C1QTNF3: variants seen among roughly 807,000 people sequenced by gnomAD.
The protein encoded by C1QTNF3 is C1q and TNF related 3, also known as complement C1q tumor necrosis factor-related protein 3.
In C1QTNF3, 26 loss-of-function variants were observed where a neutral mutation model predicts 32.6. The observed-to-expected ratio is 0.80, with a 90% CI of 0.58 to 1.11. C1QTNF3 has a LOEUF of 1.11. Ranked by LOEUF, C1QTNF3 falls within the 50% of genes least tolerant of loss-of-function variation. The pLI is 0.00. For synonymous variants in C1QTNF3, 155 were observed against 146.0 expected (o/e 1.06, Z -0.44); for missense variants, 362 against 398.2 (o/e 0.91, Z 0.77).
intron 3 of C1QTNF3, among the ~76,000 whole-genome samples, chr5:34,032,817 C>T (rs545707451): frequency 2.6e-5 from 4 of 151,936 alleles, no homozygotes; most frequent in Non-Finnish European, 5.9e-5. Context: ...AAAAATTATA[C>T]CACAAAATCT....
the C1QTNF3 span, among the ~76,000 whole-genome samples, chr5:34,196,050 A>G: frequency 6.6e-6 from 1 of 152,280 alleles, no homozygotes; most frequent in Non-Finnish European, 1.5e-5. Flanking sequence ...TTTCCAATCT[A>G]GGAAGCAGGC....
chr5:34,124,514 G>A, the C1QTNF3 span: 3 of 710,332 alleles, frequency 4.2e-6, no homozygotes, highest in Admixed American at 2.0e-5. Context: ...AGAGATGGGA[G>A]GAGGCACTAC....
chr5:34,040,283 T>TC (rs1754836027), intron 1 of C1QTNF3, among the ~76,000 whole-genome samples: 1 of 152,094 alleles, frequency 6.6e-6, no homozygotes, highest in African/African-American at 2.4e-5. Flanking sequence ...TAAGAAATGC[T>TC]CCATCAATTT....
chr5:34,132,653 G>GACTATT, the C1QTNF3 span, among the ~76,000 whole-genome samples: 8 of 151,910 alleles, frequency 5.3e-5, no homozygotes, highest in African/African-American at 1.7e-4. Flanking sequence ...GTCATATCAG[G>GACTATT]ACTATTACTA....
chr5:34,112,913 G>C, the C1QTNF3 span, among the ~76,000 whole-genome samples: 1 of 151,930 alleles, frequency 6.6e-6, no homozygotes, highest in Admixed American at 6.6e-5. Flanking sequence ...TGGTGACAGA[G>C]GAGCAGCTTG....
intron 4 of C1QTNF3, 46 bp downstream of exon 4, chr5:34,028,708 T>C: frequency 6.5e-7 from 1 of 1,549,804 alleles, no homozygotes; most frequent in Non-Finnish European, 8.8e-7. Flanking sequence ...ATTGTCTTTA[T>C]TATTACATTG....
At chr5:34,226,631 G>A in the C1QTNF3 span, among the ~76,000 whole-genome samples, 1 of 151,238 alleles carries the variant, frequency 6.6e-6, no homozygotes, top group African/African-American at 2.4e-5. Context: ...CAAGGTTTAG[G>A]GGCATCAAAC....
At chr5:34,195,624 G>A in the C1QTNF3 span, among the ~76,000 whole-genome samples, 3 of 152,188 alleles carry the variant, frequency 2.0e-5, no homozygotes, top group Admixed American at 6.5e-5. Context: ...GGTGGATCAC[G>A]AGGTCAGGAG....
intron 1 of C1QTNF3, among the ~76,000 whole-genome samples, chr5:34,037,458 TTTTC>T (rs1346841411): frequency 6.6e-6 from 1 of 152,240 alleles, no homozygotes; most frequent in Non-Finnish European, 1.5e-5. Flanking sequence ...CCTTACTTTC[TTTTC>T]TTTAATAAAA....
the C1QTNF3 span, among the ~76,000 whole-genome samples, chr5:34,231,326 A>G: frequency 1.3e-5 from 2 of 152,176 alleles, no homozygotes; most frequent in Non-Finnish European, 2.9e-5. Flanking sequence ...ATCAACATAG[A>G]TATTTTTTAG....
chr5:34,130,960 TTTG>T, the C1QTNF3 span, among the ~76,000 whole-genome samples: 1 of 152,226 alleles, frequency 6.6e-6, no homozygotes, highest in Non-Finnish European at 1.5e-5. Flanking sequence ...TATTTAACAG[TTTG>T]TTAACTTGAT....
the C1QTNF3 span, among the ~76,000 whole-genome samples, chr5:34,201,546 G>A: frequency 6.6e-6 from 1 of 151,976 alleles, no homozygotes; most frequent in Admixed American, 6.6e-5. Flanking sequence ...TGCAACTATA[G>A]TGCTCCTGAA....
chr5:34,041,853 C>T (rs551738298), intron 1 of C1QTNF3, among the ~76,000 whole-genome samples: 1 of 151,830 alleles, frequency 6.6e-6, no homozygotes, highest in African/African-American at 2.4e-5. Flanking sequence ...ACTTCTGAAT[C>T]CATGGTAGGA....
chr5:34,076,131 G>T, the C1QTNF3 span, among the ~76,000 whole-genome samples: 1 of 151,528 alleles, frequency 6.6e-6, no homozygotes, highest in Non-Finnish European at 1.5e-5. Flanking sequence ...GTAGAGAATT[G>T]TATGGGGTTG....
upstream of C1QTNF3, among the ~76,000 whole-genome samples, chr5:34,044,914 C>A (rs559974992): frequency 1.4e-4 from 21 of 152,258 alleles, 1 homozygote; most frequent in Middle Eastern, 6.9e-3. Context: ...AACTGTTATT[C>A]TTAGTAACTG....
At chr5:34,138,712 C>T in the C1QTNF3 span, among the ~76,000 whole-genome samples, 2 of 152,228 alleles carry the variant, frequency 1.3e-5, no homozygotes, top group African/African-American at 4.8e-5. Context: ...CTTTGAGGTA[C>T]ATTAATCAAT....
At chr5:34,139,137 T>C in the C1QTNF3 span, among the ~76,000 whole-genome samples, 1 of 152,002 alleles carries the variant, frequency 6.6e-6, no homozygotes, top group East Asian at 1.9e-4. Flanking sequence ...ATTCATAATA[T>C]ATAAGCATAT....
At chr5:34,210,363 G>A in the C1QTNF3 span, among the ~76,000 whole-genome samples, 4 of 152,076 alleles carry the variant, frequency 2.6e-5, no homozygotes, top group South Asian at 2.1e-4. Context: ...GAAGGAGTAC[G>A]GTTTGACCTA....
the C1QTNF3 span, among the ~76,000 whole-genome samples, chr5:34,172,756 G>A: frequency 6.6e-6 from 1 of 152,100 alleles, no homozygotes; most frequent in Non-Finnish European, 1.5e-5. Flanking sequence ...GCATATAGGT[G>A]CAGACATAGC....
Sources: gnomAD v4.1 joint callset for allele counts (sites outside exome capture counted in the v4.1 genomes callset) on GRCh38, gnomAD v4.1.1 for gene constraint, MANE v1.5 for transcripts, NCBI Gene and HGNC (gene_info 2026-07-23, HGNC 2026-07-21) for gene names.